Variants in ATRNL1 observed in about 807,000 individuals in gnomAD.
The protein encoded by ATRNL1 is attractin-like protein 1.
ATRNL1 carries 95 observed loss-of-function variants against 182.7 expected under a neutral mutation model. That is an observed-to-expected ratio of 0.52 (90% confidence interval 0.44 to 0.62). The LOEUF (loss-of-function observed/expected upper bound fraction) is 0.62, where lower values mean the gene tolerates loss of function less well. ATRNL1 is among the 20% of genes least tolerant of loss of function. The pLI, the probability that ATRNL1 is intolerant of heterozygous loss-of-function variation, is 0.00. For missense variants in ATRNL1, 1,471 were observed against 1,679.5 expected (o/e 0.88, Z 2.17); for synonymous variants, 576 against 568.3 (o/e 1.01, Z -0.19).
chr10:115,279,167 A>G (rs1852240874), intron 13 of ATRNL1, among the ~76,000 whole-genome samples: 1 of 150,918 alleles, frequency 6.6e-6, no homozygotes, highest in Non-Finnish European at 1.5e-5. Context: ...GCACCACTGC[A>G]CTCCAGCCTG....
intron 28 of ATRNL1, among the ~76,000 whole-genome samples, chr10:115,890,870 G>A (rs1952063533): frequency 6.6e-6 from 1 of 152,274 alleles, no homozygotes; most frequent in African/African-American, 2.4e-5. Flanking sequence ...CTGATGAGAA[G>A]AATATTCAGT....
At chr10:115,456,445 G>A (rs987508232) in intron 21 of ATRNL1, among the ~76,000 whole-genome samples, 41 of 152,080 alleles carry the variant, frequency 2.7e-4, no homozygotes, top group African/African-American at 9.9e-4. Flanking sequence ...GAGAACATAT[G>A]GGCACAGGGA....
chr10:115,155,229 T>C (rs1367059874), intron 5 of ATRNL1, among the ~76,000 whole-genome samples: 5 of 151,984 alleles, frequency 3.3e-5, no homozygotes, highest in Non-Finnish European at 5.9e-5. Context: ...ATCATGTTTT[T>C]CTTTTTTTTT....
At chr10:115,604,155 T>A in intron 26 of ATRNL1, among the ~76,000 whole-genome samples, 1 of 152,328 alleles carries the variant, frequency 6.6e-6, no homozygotes, top group East Asian at 1.9e-4. Context: ...AGACATTCTA[T>A]ATTTTTATGT....
intron 24 of ATRNL1, among the ~76,000 whole-genome samples, chr10:115,495,127 T>C (rs1849480797): frequency 6.6e-6 from 1 of 152,210 alleles, no homozygotes; most frequent in Non-Finnish European, 1.5e-5. Context: ...ATAGAGGTGT[T>C]CATAGTAGTC....
chr10:115,947,722 G>GAGGT lies in ATRNL1; in HGVS notation c.*2944_*2947dup, dbSNP rs1953907121. 6.6e-6 allele frequency: 1 copy of GAGGT among 152,264 alleles called. No homozygotes were observed. The highest frequency in any genetic ancestry group is 2.1e-4 in the South Asian group (1 of 4,832). 9.4% of individuals were successfully genotyped at this position (152,264 alleles called of 1,614,324 possible). A position where few individuals can be genotyped will look rare whatever the true frequency, so the allele number is the denominator to read the frequency against. On this transcript the variant is annotated 3_prime_UTR_variant, in exon 29 of 29. Coordinates refer to ENST00000355044, the MANE Select transcript of ATRNL1 (RefSeq NM_207303.4). Reference sequence around the variant, plus strand: ...ATCTTCTTTTAGCTGCAGTAAGATAGAGGTGACTGTATGGCTACAGTTCAT... The same window carrying GAGGT: ...ATCTTCTTTTAGCTGCAGTAAGATAGAGGTAGGTGACTGTATGGCTACAGTTCAT...
At chr10:115,628,619 G>A (rs2804247) in intron 26 of ATRNL1, among the ~76,000 whole-genome samples, 76,440 of 151,828 alleles carry the variant, frequency 0.5, 20,189 homozygotes, top group East Asian at 0.84. Flanking sequence ...TGTTGCTTGC[G>A]CTTTTGGTGT....
At chr10:115,117,711 A>G (rs1471176337) in intron 1 of ATRNL1, among the ~76,000 whole-genome samples, 4 of 152,142 alleles carry the variant, frequency 2.6e-5, no homozygotes, top group African/African-American at 7.2e-5. Context: ...TTTTGGGTAT[A>G]TACCCAACAG....
rs840099 is a variant in ATRNL1, at chr10:115,457,358, G to A, written c.3323-4583G>A. 6.5e-3 allele frequency among the ~76,000 whole-genome samples: 985 copies of A among 152,030 alleles called. 11 individuals carry two copies. The highest frequency in any genetic ancestry group is 0.022 in the African/African-American group (928 of 41,482). ...AGGCATCATACACCAGGAACCAATCGAGAGAGTGGGTGGGTTGGCGATAGA... is the reference window on the plus strand; with the variant it reads ...AGGCATCATACACCAGGAACCAATCAAGAGAGTGGGTGGGTTGGCGATAGA... On this transcript the variant is annotated intron_variant, in intron 21 of 28. Transcript: ENST00000355044.
At chr10:115,227,719 C>T (rs79246264) in intron 9 of ATRNL1, among the ~76,000 whole-genome samples, 10 of 152,076 alleles carry the variant, frequency 6.6e-5, no homozygotes, top group Non-Finnish European at 8.8e-5. Context: ...ATACATACCA[C>T]GGAATGTTAT....
intron 26 of ATRNL1, among the ~76,000 whole-genome samples, chr10:115,621,541 A>G (rs1555022921): frequency 1.3e-5 from 2 of 151,918 alleles, no homozygotes; most frequent in East Asian, 1.9e-4. Context: ...GGCTCAAGCA[A>G]TCCACCCACC....
chr10:115,359,817 A>G (rs538023785), intron 19 of ATRNL1, among the ~76,000 whole-genome samples: 2 of 151,506 alleles, frequency 1.3e-5, no homozygotes, highest in Non-Finnish European at 3.0e-5. Flanking sequence ...TCACTAACCT[A>G]TTAATTCTGG....
At chr10:115,164,866 C>T (rs1301171302) in intron 6 of ATRNL1, among the ~76,000 whole-genome samples, 6 of 151,536 alleles carry the variant, frequency 4.0e-5, no homozygotes, top group Non-Finnish European at 8.8e-5. Flanking sequence ...TTAATGAGTG[C>T]CAAAAAGCAA....
chr10:115,485,907 C>G (rs1010342564), intron 24 of ATRNL1, among the ~76,000 whole-genome samples: 1 of 150,342 alleles, frequency 6.7e-6, no homozygotes, highest in Non-Finnish European at 1.5e-5. Flanking sequence ...CCCCACCCCC[C>G]AATAGGCCCT....
chr10:115,759,841 A>ATTT (rs58578796), intron 27 of ATRNL1, among the ~76,000 whole-genome samples: 13 of 62,680 alleles, frequency 2.1e-4, no homozygotes, highest in African/African-American at 9.3e-4. Flanking sequence ...ACACCTGGCT[A>ATTT]TTTTTTTTTT....
chr10:115,669,100 T>C (rs1945611215), intron 26 of ATRNL1, among the ~76,000 whole-genome samples: 1 of 152,274 alleles, frequency 6.6e-6, no homozygotes, highest in South Asian at 2.1e-4. Flanking sequence ...TTTTCTTTTA[T>C]AATTTATTTT....
chr10:115,884,209 T>G (rs1555109266), intron 28 of ATRNL1, among the ~76,000 whole-genome samples: 2 of 152,232 alleles, frequency 1.3e-5, no homozygotes, highest in African/African-American at 4.8e-5. Context: ...GCCCAATATT[T>G]CTTTTGGTAA....
intron 21 of ATRNL1, among the ~76,000 whole-genome samples, chr10:115,455,592 A>G (rs1592683346): frequency 6.6e-6 from 1 of 152,212 alleles, no homozygotes; most frequent in Non-Finnish European, 1.5e-5. Flanking sequence ...GTTCATGACT[A>G]AAACACCAAA....
At chr10:115,941,002 T>C (rs1953715078) in intron 28 of ATRNL1, among the ~76,000 whole-genome samples, 1 of 151,892 alleles carries the variant, frequency 6.6e-6, no homozygotes, top group African/African-American at 2.4e-5. Flanking sequence ...AGCCGTGGGG[T>C]CCAGTAAAGG....
Sources: allele counts gnomAD v4.1 joint callset (sites outside exome capture counted in the v4.1 genomes callset), GRCh38; gene constraint gnomAD v4.1.1; transcripts MANE v1.5; gene names NCBI Gene and HGNC (gene_info 2026-07-23, HGNC 2026-07-21).